Variants in CP observed in about 807,000 individuals in gnomAD.
The protein encoded by CP is ceruloplasmin.
A neutral mutation model predicts 122.4 loss-of-function variants in CP; 64 were observed. The observed-to-expected ratio is 0.52, with a 90% CI of 0.43 to 0.64. The LOEUF is 0.64. Among genes scored for constraint, CP ranks in the 30% least tolerant of loss-of-function variants. CP has a pLI of 0.00. For synonymous variants in CP, 440 were observed against 436.4 expected (o/e 1.01, Z -0.10); for missense variants, 1,167 against 1,284.4 (o/e 0.91, Z 1.40).
At chr3:149,163,819 T>C in intron 5 of CP, 1 of 1,250,554 alleles carries the variant, frequency 8.0e-7, no homozygotes, top group East Asian at 2.3e-5. Context: ...ATTTTGTTTA[T>C]GAGAAATTCT....
intron 14 of CP, 26 bp downstream of exon 14, chr3:149,181,979 A>ACCCACCCCCCC: frequency 3.9e-6 from 2 of 515,794 alleles, no homozygotes; most frequent in South Asian, 1.5e-5. Flanking sequence ...AAAATGCACC[A>ACCCACCCCCCC]CCCCCACCCC....
intron 6 of CP, among the ~76,000 whole-genome samples, chr3:149,203,787 T>TCTTCCTTGTCCACGTGGACC (rs1727512121): frequency 6.6e-6 from 1 of 152,304 alleles, no homozygotes; most frequent in East Asian, 1.9e-4. Context: ...CAAGGTGGAC[T>TCTTCCTTGTCCACGTGGACC]CTTCCTTGTC....
chr3:149,172,393 C>T (rs1412782986), downstream of CP: 5 of 569,096 alleles, frequency 8.8e-6, no homozygotes, highest in Non-Finnish European at 1.3e-5. Flanking sequence ...CTTACCTTAC[C>T]GTGTAGTGGT....
At chr3:149,199,570 G>C in intron 8 of CP, 142 bp downstream of exon 8, 3 of 1,020,456 alleles carry the variant, frequency 2.9e-6, no homozygotes, top group Non-Finnish European at 4.6e-6. Flanking sequence ...GGGTTTATTT[G>C]TTTCCTGGCA....
chr3:149,188,232 C>A (rs1422499807), intron 9 of CP, 30 bp from the exon 10 acceptor site: 1 of 1,592,954 alleles, frequency 6.3e-7, no homozygotes, highest in Non-Finnish European at 8.6e-7. Context: ...GAGATGGAGA[C>A]AGAATGAATA....
At chr3:149,184,016 T>G in intron 12 of CP, among the ~76,000 whole-genome samples, 1 of 145,978 alleles carries the variant, frequency 6.9e-6, no homozygotes, top group East Asian at 2.0e-4. Context: ...GGCATTCCCT[T>G]TTCACTTACT....
intron 12 of CP, 75 bp downstream of exon 12, chr3:149,185,163 TG>T: frequency 7.2e-7 from 1 of 1,397,514 alleles, no homozygotes; most frequent in African/African-American, 1.4e-5. Context: ...TTCTAAAATT[TG>T]GTGTAATTCT....
intron 9 of CP, among the ~76,000 whole-genome samples, chr3:149,195,860 C>A (rs1392798478): frequency 7.1e-6 from 1 of 140,402 alleles, no homozygotes; most frequent in Non-Finnish European, 1.5e-5. Flanking sequence ...AGCGAGACAC[C>A]GTCTCAAAAA....
At chr3:149,167,758 T>C (rs1220667455), downstream of CP, 5 of 693,154 alleles carry the variant, frequency 7.2e-6, no homozygotes, top group Non-Finnish European at 1.3e-5. Context: ...TAACTTATGT[T>C]ATAACAAAGT....
At chr3:149,178,048 TATG>T in intron 16 of CP, 69 bp from the exon 17 acceptor site, 2 of 1,378,722 alleles carry the variant, frequency 1.5e-6, no homozygotes, top group South Asian at 1.2e-5. Flanking sequence ...TCAAAGAAAA[TATG>T]ATTATTAGGT....
intron 2 of CP, 43 bp from the exon 3 acceptor site, chr3:149,210,422 G>C: frequency 6.7e-7 from 1 of 1,497,456 alleles, no homozygotes; most frequent in Non-Finnish European, 9.3e-7. Context: ...GAATGTGTTT[G>C]AACTTAAATG....
chr3:149,169,409 CA>C (rs1417101214), downstream of CP, among the ~76,000 whole-genome samples: 1 of 152,148 alleles, frequency 6.6e-6, no homozygotes, highest in African/African-American at 2.4e-5. Context: ...AGGACTGAAT[CA>C]AAAGTTAAAT....
intron 7 of CP, among the ~76,000 whole-genome samples, chr3:149,200,399 T>A (rs932054249): frequency 2.0e-5 from 3 of 152,220 alleles, no homozygotes; most frequent in African/African-American, 7.2e-5. Flanking sequence ...TATCTGTTCT[T>A]CTGAGTGTAT....
intron 14 of CP, among the ~76,000 whole-genome samples, chr3:149,181,670 C>T (rs1725783627): frequency 6.6e-6 from 1 of 152,158 alleles, no homozygotes; most frequent in African/African-American, 2.4e-5. Flanking sequence ...GTGCTAGAGA[C>T]AGGCATGGGA....
intron 7 of CP, chr3:149,200,177 G>C (rs561574872): frequency 1.6e-5 from 6 of 385,374 alleles, no homozygotes; most frequent in African/African-American, 1.2e-4. Flanking sequence ...CTAATCTTCT[G>C]TTGGCTGGAG....
chr3:149,183,148 C>CA (rs1419924513), intron 13 of CP, among the ~76,000 whole-genome samples: 1 of 151,852 alleles, frequency 6.6e-6, no homozygotes, highest in Non-Finnish European at 1.5e-5. Flanking sequence ...GAGACTCTGT[C>CA]AAAAAACAGA....
intron 7 of CP, 103 bp downstream of exon 7, chr3:149,201,999 C>T (rs912320588): frequency 1.4e-6 from 2 of 1,437,894 alleles, no homozygotes; most frequent in Non-Finnish European, 2.0e-6. Context: ...GCCTACTTAA[C>T]ACATAGAAAT....
At chr3:149,183,425 A>G (rs750848943) in intron 13 of CP, 41 bp downstream of exon 13, 2 of 1,601,916 alleles carry the variant, frequency 1.2e-6, no homozygotes, top group East Asian at 4.5e-5. Context: ...GTAGCATCAC[A>G]TCATTAACCC....
Position 149,186,569 on chromosome 3 carries a change from G to C in CP, c.2028C>G (p.Asn676Lys). The C allele has an allele frequency of 1.2e-6, 2 of 1,614,182 alleles. No homozygotes were observed. The highest frequency in any genetic ancestry group is 1.7e-6 in the Non-Finnish European group (2 of 1,180,036). ...LWRGERRDTA[N>K]LFPQTSLTLH... Reference sequence around the variant, plus strand: ...GCGTAAGACTTGTTTGAGGGAAGAGGTTTGCTGTGTCTCTCCGTTCTCCTC... The same window carrying C: ...GCGTAAGACTTGTTTGAGGGAAGAGCTTTGCTGTGTCTCTCCGTTCTCCTC... Residue 676 changes from asparagine (N) to lysine (K), a missense_variant, in exon 11 of 19, where the codon AAC becomes AAG. This residue lies in a region of CP where 525 missense variants were observed against 657.2 expected (regional missense o/e 0.80). Transcript: ENST00000264613.
Sources: gnomAD v4.1 joint callset for allele counts (sites outside exome capture counted in the v4.1 genomes callset) on GRCh38, gnomAD v4.1.1 for gene constraint, gnomAD v4.1.1 regional missense constraint, MANE v1.5 for transcripts, NCBI Gene and HGNC (gene_info 2026-07-23, HGNC 2026-07-21) for gene names.